Variants in SH3GL3 observed in about 807,000 individuals in gnomAD.
SH3GL3 encodes SH3 domain containing GRB2 like 3, endophilin A3.
Under a neutral mutation model 47.7 loss-of-function variants are expected in SH3GL3, and 33 were observed. The observed-to-expected ratio is 0.69, with a 90% CI of 0.52 to 0.92. SH3GL3 has a LOEUF of 0.92. Ranked by LOEUF, SH3GL3 falls within the 40% of genes least tolerant of loss-of-function variation. The pLI, the probability that SH3GL3 is intolerant of heterozygous loss-of-function variation, is 0.00. For synonymous variants in SH3GL3, 155 were observed against 148.8 expected (o/e 1.04, Z -0.30); for missense variants, 363 against 417.8 (o/e 0.87, Z 1.14).
rs375034467 is a variant in SH3GL3, at chr15:83,618,327, A to G, written c.*40A>G. ...CTCTGGACATACTTTCGTAACTGAA[A>G]TGAATTCACACCAGTGTGCTCTCAG... On this transcript the variant is annotated 3_prime_UTR_variant, in exon 9 of 9. Transcript: ENST00000427482. 171 of 1,262,922 alleles carry G rather than the reference A, an allele frequency of 1.4e-4. No individual in the cohort carries two copies. Among genetic ancestry groups the G allele is most frequent in the Non-Finnish European group, 1.9e-4 (161 of 859,534 alleles). The allele number at this position is 1,262,922 out of a possible 1,614,324, so 78.2% of individuals were successfully genotyped here.
intron 4 of SH3GL3, among the ~76,000 whole-genome samples, chr15:83,569,255 A>C (rs62027559): frequency 0.12 from 18,135 of 152,144 alleles, 1,209 homozygotes; most frequent in Middle Eastern, 0.19. Context: ...ACTTTTAAAA[A>C]CTACAGTAAG....
chr15:83,617,458 CTTAAG>C (rs1567042217), intron 8 of SH3GL3, among the ~76,000 whole-genome samples: 14 of 152,218 alleles, frequency 9.2e-5, no homozygotes, highest in African/African-American at 3.4e-4. Context: ...GAGCAGATCA[CTTAAG>C]GCCAGGAGTT....
chr15:83,447,856 G>C lies in SH3GL3; in HGVS notation c.45+278G>C, dbSNP rs912750749. Among the ~76,000 whole-genome samples the C allele has an allele frequency of 6.6e-6, 1 of 152,114 alleles. No individual in the cohort carries two copies. Among genetic ancestry groups the C allele is most frequent in the African/African-American group, 2.4e-5 (1 of 41,418 alleles). Reference sequence around the variant, plus strand: ...GGAGGGCAGAGGTGGCGGCCGCGGGGACTCGGGAGGCGGAGACGGAGTGGG... The same window carrying C: ...GGAGGGCAGAGGTGGCGGCCGCGGGCACTCGGGAGGCGGAGACGGAGTGGG... On this transcript the variant is annotated intron_variant, in intron 1 of 8. Coordinates refer to ENST00000427482, the MANE Select transcript of SH3GL3 (RefSeq NM_003027.5). The surrounding 1 kb of genome is among the most constrained non-coding windows in gnomAD (Gnocchi z 5.1).
At chr15:83,515,915 T>C (rs553189070) in intron 1 of SH3GL3, among the ~76,000 whole-genome samples, 2 of 152,356 alleles carry the variant, frequency 1.3e-5, no homozygotes, top group East Asian at 3.9e-4. Context: ...TGTAAAAATA[T>C]CGTTATGTTG....
Position 83,447,520 on chromosome 15 carries a change from C to G in SH3GL3, c.-14C>G. 1 of 1,501,084 alleles carries G rather than the reference C, an allele frequency of 6.7e-7. No individual in the cohort carries two copies. The allele number at this position is 1,501,084 out of a possible 1,614,324, so 93.0% of individuals were successfully genotyped here. A position where few individuals can be genotyped will look rare whatever the true frequency, so the allele number is the denominator to read the frequency against. On this transcript the variant is annotated 5_prime_UTR_variant, in exon 1 of 9. Transcript: ENST00000427482. The surrounding 1 kb of genome is among the most constrained non-coding windows in gnomAD (Gnocchi z 5.1). The stretch of plus-strand genomic sequence containing the variant: ...AGCCTTGAGACCACCCCGCCCCTGC[C>G]GGTCGCAGTCGCGATGTCGGTGGCC...
chr15:83,627,137 CT>C, the SH3GL3 span, among the ~76,000 whole-genome samples: 1,037 of 152,136 alleles, frequency 6.8e-3, 12 homozygotes, highest in African/African-American at 0.024. Context: ...TGGCTCACAC[CT>C]TGTAATCCCA....
At chr15:83,474,868 C>G (rs1008184131) in intron 1 of SH3GL3, among the ~76,000 whole-genome samples, 6 of 152,110 alleles carry the variant, frequency 3.9e-5, no homozygotes, top group African/African-American at 1.4e-4. Context: ...TTTGACGATG[C>G]TGGGTGGGCA....
At chr15:83,540,910 C>T (rs1189924030) in intron 1 of SH3GL3, among the ~76,000 whole-genome samples, 2 of 152,114 alleles carry the variant, frequency 1.3e-5, no homozygotes, top group Non-Finnish European at 2.9e-5. Flanking sequence ...TTTTTGTGCC[C>T]ATTAACCATC....
the SH3GL3 span, among the ~76,000 whole-genome samples, chr15:83,632,891 T>G: frequency 6.6e-6 from 1 of 152,214 alleles, no homozygotes; most frequent in Non-Finnish European, 1.5e-5. Context: ...GGTCAAAAGA[T>G]TTGGAGAGAC....
chr15:83,522,251 A>G (rs919916749), intron 1 of SH3GL3, among the ~76,000 whole-genome samples: 2 of 152,210 alleles, frequency 1.3e-5, no homozygotes, highest in Non-Finnish European at 2.9e-5. Flanking sequence ...TCAAAGTTAG[A>G]GGAGCCAGCA....
chr15:83,447,462 C>T lies in SH3GL3; in HGVS notation c.-72C>T, dbSNP rs1279278780. 1.5e-6 allele frequency: 2 copies of T among 1,367,688 alleles called. No homozygotes were observed. The highest frequency in any genetic ancestry group is 1.5e-5 in the African/African-American group (1 of 66,030). 84.7% of individuals were successfully genotyped at this position (1,367,688 alleles called of 1,614,324 possible). On this transcript the variant is annotated 5_prime_UTR_variant, in exon 1 of 9. Coordinates refer to ENST00000427482, the MANE Select transcript of SH3GL3 (RefSeq NM_003027.5). This position sits in a 1 kb window ranked among gnomAD's most constrained non-coding sequence, Gnocchi z 5.1. ...GGGGGGACCGGCCCGGGCTCCCGCT[C>T]CCCGAGCGCGTCGCGGCCGCGTGGC...
At chr15:83,482,017 T>C (rs2041380518) in intron 1 of SH3GL3, among the ~76,000 whole-genome samples, 1 of 152,242 alleles carries the variant, frequency 6.6e-6, no homozygotes, top group Non-Finnish European at 1.5e-5. Context: ...CTCTCAGCAA[T>C]AGTGTTCTGT....
chr15:83,471,819 A>G (rs1382729184), intron 1 of SH3GL3, among the ~76,000 whole-genome samples: 1 of 151,494 alleles, frequency 6.6e-6, no homozygotes, highest in Admixed American at 6.6e-5. Flanking sequence ...TGGTTTCAAG[A>G]TATTTTTTCT....
At chr15:83,608,745 C>G (rs1335197516) in intron 8 of SH3GL3, among the ~76,000 whole-genome samples, 1 of 150,904 alleles carries the variant, frequency 6.6e-6, no homozygotes, top group Non-Finnish European at 1.5e-5. Context: ...ACCCGCCCCC[C>G]ACTCCCCCCG....
chr15:83,522,513 C>T (rs1393626037), intron 1 of SH3GL3, among the ~76,000 whole-genome samples: 2 of 152,160 alleles, frequency 1.3e-5, no homozygotes, highest in Non-Finnish European at 2.9e-5. Flanking sequence ...TTTTGCTGAC[C>T]ACATTTTGGC....
intron 1 of SH3GL3, among the ~76,000 whole-genome samples, chr15:83,476,492 G>A (rs2041104101): frequency 1.3e-5 from 2 of 152,206 alleles, no homozygotes; most frequent in African/African-American, 4.8e-5. Context: ...AACAGGGGTT[G>A]GCAAACATTT....
At chr15:83,456,624 C>G (rs1026183446) in intron 1 of SH3GL3, among the ~76,000 whole-genome samples, 3 of 135,834 alleles carry the variant, frequency 2.2e-5, no homozygotes, top group Non-Finnish European at 4.7e-5. Context: ...CTCCCTGACC[C>G]CTTGCGCTTC....
intron 1 of SH3GL3, among the ~76,000 whole-genome samples, chr15:83,465,344 A>G (rs1319082854): frequency 6.6e-6 from 1 of 151,684 alleles, no homozygotes; most frequent in Non-Finnish European, 1.5e-5. Context: ...TAAAAAATAA[A>G]AACATGTATC....
Position 83,447,434 on chromosome 15 carries a change from C to G in SH3GL3, c.-100C>G. ...GGAGGCGGGCCCGGCGGAGCCCAGCCGCGGGGGGACCGGCCCGGGCTCCCG... is the reference window on the plus strand; with the variant it reads ...GGAGGCGGGCCCGGCGGAGCCCAGCGGCGGGGGGACCGGCCCGGGCTCCCG... On this transcript the variant is annotated 5_prime_UTR_variant, in exon 1 of 9. Coordinates refer to ENST00000427482, the MANE Select transcript of SH3GL3 (RefSeq NM_003027.5). The surrounding 1 kb of genome is among the most constrained non-coding windows in gnomAD (Gnocchi z 5.1). 1 of 1,055,590 alleles carries G rather than the reference C, an allele frequency of 9.5e-7. No individual in the cohort carries two copies. The highest frequency in any genetic ancestry group is 1.2e-6 in the Non-Finnish European group (1 of 806,438). 65.4% of individuals were successfully genotyped at this position (1,055,590 alleles called of 1,614,324 possible). A position where few individuals can be genotyped will look rare whatever the true frequency, so the allele number is the denominator to read the frequency against.
Sources: allele counts gnomAD v4.1 joint callset (sites outside exome capture counted in the v4.1 genomes callset), GRCh38; gene constraint gnomAD v4.1.1; non-coding constraint Gnocchi (gnomAD v3.1); transcripts MANE v1.5; gene names NCBI Gene and HGNC (gene_info 2026-07-23, HGNC 2026-07-21).